The following ANK3 variants were observed in gnomAD, a reference collection of about 807,000 sequenced individuals.
The protein encoded by ANK3 is ankyrin 3.
In ANK3, 57 loss-of-function variants were observed where a neutral mutation model predicts 370.9. The observed-to-expected ratio is 0.15, with a 90% CI of 0.12 to 0.19. The LOEUF (loss-of-function observed/expected upper bound fraction) is 0.19. ANK3 is among the 10% of genes least tolerant of loss of function. The pLI is 1.00. For synonymous variants in ANK3, 1,929 were observed against 1,946.3 expected (o/e 0.99, Z 0.23); for missense variants, 4,439 against 5,302.1 (o/e 0.84, Z 5.06).
At chr10:60,596,998 G>T (rs567545373) in intron 2 of ANK3, among the ~76,000 whole-genome samples, 3 of 151,842 alleles carry the variant, frequency 2.0e-5, no homozygotes, top group African/African-American at 7.3e-5. Flanking sequence ...AATCCATACC[G>T]CATAAAAAGA....
At chr10:60,399,351 T>C (rs767697527) in intron 2 of ANK3, among the ~76,000 whole-genome samples, 4 of 152,132 alleles carry the variant, frequency 2.6e-5, no homozygotes, top group Non-Finnish European at 4.4e-5. Flanking sequence ...TTAAGAAATG[T>C]AAGATGCTTG....
At chr10:60,397,214 A>C (rs1488033117) in intron 2 of ANK3, among the ~76,000 whole-genome samples, 4 of 151,926 alleles carry the variant, frequency 2.6e-5, no homozygotes, top group Non-Finnish European at 4.4e-5. Context: ...AAAAAAAAAA[A>C]AACTAAACAC....
At chr10:60,147,033 T>G (rs985430397) in intron 23 of ANK3, among the ~76,000 whole-genome samples, 1 of 152,216 alleles carries the variant, frequency 6.6e-6, no homozygotes, top group Admixed American at 6.5e-5. Flanking sequence ...CAGATCTGCA[T>G]GTATTTCTCC....
chr10:60,292,458 T>C (rs1488982616), intron 1 of ANK3, among the ~76,000 whole-genome samples: 1 of 151,800 alleles, frequency 6.6e-6, no homozygotes, highest in Non-Finnish European at 1.5e-5. Context: ...TACACGCTAA[T>C]GGAATGTTAA....
intron 2 of ANK3, among the ~76,000 whole-genome samples, chr10:60,548,461 G>A (rs959592712): frequency 6.6e-6 from 1 of 151,708 alleles, no homozygotes; most frequent in Non-Finnish European, 1.5e-5. Context: ...TGTTGGCCAG[G>A]CTGGTCTCGA....
At chr10:60,259,000 G>T (rs2097771048) in intron 7 of ANK3, among the ~76,000 whole-genome samples, 1 of 152,218 alleles carries the variant, frequency 6.6e-6, no homozygotes, top group South Asian at 2.1e-4. Flanking sequence ...TCCCTTTATT[G>T]CTCTGACTGG....
chr10:60,186,400 G>T (rs2096333285), intron 17 of ANK3, among the ~76,000 whole-genome samples: 1 of 149,312 alleles, frequency 6.7e-6, no homozygotes, highest in Admixed American at 6.7e-5. Context: ...ACCCAGGCTG[G>T]AGTATAAAGA....
intron 1 of ANK3, among the ~76,000 whole-genome samples, chr10:60,634,231 G>T (rs2078521929): frequency 6.6e-6 from 1 of 152,146 alleles, no homozygotes; most frequent in South Asian, 2.1e-4. Flanking sequence ...GTCTAGCTTG[G>T]TTGGGTGGAA....
chr10:60,614,453 C>G (rs952205892), intron 2 of ANK3, among the ~76,000 whole-genome samples: 5 of 152,162 alleles, frequency 3.3e-5, no homozygotes, highest in Admixed American at 6.5e-5. Context: ...GCAAGGAGAA[C>G]TGACATTCTA....
intron 2 of ANK3, among the ~76,000 whole-genome samples, chr10:60,532,189 G>T (rs560076472): frequency 6.6e-6 from 1 of 152,256 alleles, no homozygotes; most frequent in African/African-American, 2.4e-5. Flanking sequence ...TCTGCATGTT[G>T]CAGTCTAAAG....
chr10:60,617,864 T>G (rs1329663303), intron 1 of ANK3, among the ~76,000 whole-genome samples: 1 of 152,178 alleles, frequency 6.6e-6, no homozygotes, highest in Non-Finnish European at 1.5e-5. Context: ...TTTGCACATC[T>G]TATTACATAG....
rs527272912 is a variant in ANK3, at chr10:60,405,875, C to CT, written c.97-126237dup. On this transcript the variant is annotated intron_variant, in intron 2 of 43. Coordinates refer to the ANK3 transcript ENST00000373827. The stretch of plus-strand genomic sequence containing the variant: ...TGGGCATTCATTGTATATTCTTCCA[C>CT]TTTTTTTGTTTTACATTTGAAAATT... Among the ~76,000 whole-genome samples, 332 of 152,236 alleles carry CT rather than the reference C, an allele frequency of 2.2e-3. 1 individual carries two copies. Among genetic ancestry groups the CT allele is most frequent in the African/African-American group, 7.2e-3 (300 of 41,554 alleles).
intron 34 of ANK3, 96 bp from the exon 35 acceptor site, chr10:60,082,272 C>CAAAT: frequency 9.3e-7 from 1 of 1,070,752 alleles, no homozygotes; most frequent in South Asian, 1.4e-5. Context: ...GTAGGGAGCA[C>CAAAT]AAATGCAAGC....
At chr10:60,176,826 A>G (rs1346779638) in intron 18 of ANK3, among the ~76,000 whole-genome samples, 1 of 152,138 alleles carries the variant, frequency 6.6e-6, no homozygotes, top group Non-Finnish European at 1.5e-5. Flanking sequence ...AATTTTGCTA[A>G]CCATTTTTCT....
chr10:60,677,490 CTT>C (rs10566262), intron 1 of ANK3, among the ~76,000 whole-genome samples: 50,884 of 151,750 alleles, frequency 0.34, 8,708 homozygotes, highest in African/African-American at 0.38. Context: ...AGAGATATAA[CTT>C]TTTAAAAAAA....
At chr10:60,463,273 A>C (rs1232748629) in intron 2 of ANK3, among the ~76,000 whole-genome samples, 2 of 152,300 alleles carry the variant, frequency 1.3e-5, no homozygotes, top group East Asian at 3.9e-4. Context: ...CTTAAACCTT[A>C]CATTTATCCC....
chr10:60,264,190 T>C (rs1471097925), intron 5 of ANK3, among the ~76,000 whole-genome samples, 170 bp from the exon 6 acceptor site: 1 of 152,082 alleles, frequency 6.6e-6, no homozygotes, highest in Non-Finnish European at 1.5e-5. Context: ...TCAAAAAAAA[T>C]TTATCTATAC....
At chr10:60,174,894 A>AT (rs1422771105) in intron 18 of ANK3, among the ~76,000 whole-genome samples, 1 of 151,726 alleles carries the variant, frequency 6.6e-6, no homozygotes, top group African/African-American at 2.4e-5. Context: ...TAATTTTTCT[A>AT]TTTTTTGTAG....
chr10:60,623,271 G>A (rs112824061), intron 1 of ANK3, among the ~76,000 whole-genome samples: 82 of 152,268 alleles, frequency 5.4e-4, no homozygotes, highest in African/African-American at 1.9e-3. Context: ...TAACTGTAAT[G>A]CAAAGCCAAC....
Sources: gnomAD v4.1 joint callset for allele counts (sites outside exome capture counted in the v4.1 genomes callset) on GRCh38, gnomAD v4.1.1 for gene constraint, MANE v1.5 for transcripts, NCBI Gene and HGNC (gene_info 2026-07-23, HGNC 2026-07-21) for gene names.